The following DTNA variants were observed in gnomAD, a reference collection of about 807,000 sequenced individuals.
DTNA encodes the protein dystrobrevin alpha.
DTNA carries 43 observed loss-of-function variants against 100.7 expected under a neutral mutation model. The ratio of observed to expected loss-of-function variants is 0.43; its 90% CI spans 0.33 to 0.55. The LOEUF is 0.55. Among genes scored for constraint, DTNA ranks in the 20% least tolerant of loss-of-function variants. DTNA has a pLI of 0.04. For missense variants in DTNA, 798 were observed against 953.9 expected (o/e 0.84, Z 2.15); for synonymous variants, 349 against 347.9 (o/e 1.00, Z -0.04).
chr18:34,760,865 CT>C (rs2148362680), intron 2 of DTNA, among the ~76,000 whole-genome samples: 1 of 152,268 alleles, frequency 6.6e-6, no homozygotes, highest in Non-Finnish European at 1.5e-5. Flanking sequence ...TATACTAAAG[CT>C]CTAATCCTTA....
chr18:34,798,171 T>C (rs905599174), intron 4 of DTNA, among the ~76,000 whole-genome samples: 5 of 152,088 alleles, frequency 3.3e-5, no homozygotes, highest in African/African-American at 1.2e-4. Flanking sequence ...GGCTAGTAAT[T>C]GTGTTTTTAG....
chr18:34,499,837 G>A (rs2039696154), intron 1 of DTNA, among the ~76,000 whole-genome samples: 1 of 151,922 alleles, frequency 6.6e-6, no homozygotes, highest in South Asian at 2.1e-4. Context: ...GCTATGTTTT[G>A]AGAATTCTTT....
At chr18:34,719,533 G>A (rs1048917862) in intron 1 of DTNA, among the ~76,000 whole-genome samples, 2 of 152,024 alleles carry the variant, frequency 1.3e-5, no homozygotes, top group East Asian at 1.9e-4. Flanking sequence ...CAACTACTAC[G>A]CCATCCTGCC....
At chr18:34,840,351 G>T (rs1053920869) in intron 13 of DTNA, among the ~76,000 whole-genome samples, 1 of 152,056 alleles carries the variant, frequency 6.6e-6, no homozygotes, top group Non-Finnish European at 1.5e-5. Flanking sequence ...AGTGTTACAT[G>T]GTAGCTGAAG....
intron 3 of DTNA, among the ~76,000 whole-genome samples, chr18:34,787,251 A>G (rs1323618606): frequency 6.6e-6 from 1 of 152,224 alleles, no homozygotes; most frequent in Non-Finnish European, 1.5e-5. Context: ...AAAACCTTCT[A>G]AAAGTTTATA....
chr18:34,657,944 C>A (rs1174587483), intron 1 of DTNA, among the ~76,000 whole-genome samples: 1 of 152,200 alleles, frequency 6.6e-6, no homozygotes, highest in African/African-American at 2.4e-5. Context: ...TGCTCAGCTA[C>A]TTGCTTTCCA....
intron 10 of DTNA, 197 bp from the exon 11 acceptor site, chr18:34,829,203 T>C: frequency 6.3e-7 from 1 of 1,576,502 alleles, no homozygotes; most frequent in Non-Finnish European, 8.6e-7. Flanking sequence ...TCAGTCATTT[T>C]GGAATGTTCT....
chr18:34,705,136 T>C (rs1264851450), intron 1 of DTNA, among the ~76,000 whole-genome samples: 2 of 152,184 alleles, frequency 1.3e-5, no homozygotes, highest in Non-Finnish European at 2.9e-5. Context: ...GCTCACTAAC[T>C]TGATGAGCAC....
chr18:34,558,332 C>T (rs1358858654), intron 1 of DTNA, among the ~76,000 whole-genome samples: 6 of 152,188 alleles, frequency 3.9e-5, no homozygotes, highest in South Asian at 2.1e-4. Context: ...CCGTCTTCTG[C>T]GTCGCTCACC....
chr18:34,802,420 C>A (rs2095247120), intron 4 of DTNA, among the ~76,000 whole-genome samples: 1 of 152,238 alleles, frequency 6.6e-6, no homozygotes, highest in African/African-American at 2.4e-5. Context: ...TTCCTAGACA[C>A]TTAACAGATT....
At chr18:34,667,683 A>T (rs2076137268) in intron 1 of DTNA, among the ~76,000 whole-genome samples, 1 of 152,074 alleles carries the variant, frequency 6.6e-6, no homozygotes, top group Admixed American at 6.6e-5. Context: ...TTAGATAATC[A>T]TGTGGTTTTT....
chr18:34,561,491 C>G (rs2046631551), intron 1 of DTNA, among the ~76,000 whole-genome samples: 1 of 152,016 alleles, frequency 6.6e-6, no homozygotes, highest in Admixed American at 6.6e-5. Context: ...TATTTGCTGC[C>G]TTCTCAACAT....
chr18:34,669,925 G>T (rs2076506284), intron 1 of DTNA, among the ~76,000 whole-genome samples: 1 of 152,156 alleles, frequency 6.6e-6, no homozygotes, highest in South Asian at 2.1e-4. Flanking sequence ...TCTTCTTGAG[G>T]AGTATCTTTG....
intron 1 of DTNA, among the ~76,000 whole-genome samples, chr18:34,544,593 G>C (rs1166935975): frequency 1.3e-5 from 2 of 152,016 alleles, no homozygotes; most frequent in African/African-American, 4.8e-5. Flanking sequence ...TTAAATTAGA[G>C]TACATATATT....
intron 1 of DTNA, among the ~76,000 whole-genome samples, chr18:34,665,509 G>C (rs2075793438): frequency 6.6e-6 from 1 of 152,026 alleles, no homozygotes; most frequent in Admixed American, 6.6e-5. Flanking sequence ...TGCCATATTG[G>C]TGTGCTGCAC....
intron 1 of DTNA, among the ~76,000 whole-genome samples, chr18:34,613,793 C>T (rs1191957930): frequency 6.6e-6 from 1 of 152,196 alleles, no homozygotes; most frequent in African/African-American, 2.4e-5. Context: ...ACTAACGTAA[C>T]AGAACAAGGT....
intron 1 of DTNA, among the ~76,000 whole-genome samples, chr18:34,711,607 G>A (rs1194443409): frequency 6.6e-6 from 1 of 152,038 alleles, no homozygotes; most frequent in Non-Finnish European, 1.5e-5. Flanking sequence ...CCCTTAATTG[G>A]CACTAATTAG....
Position 34,889,465 on chromosome 18 carries a change from T to G in DTNA, c.*1731T>G. The G allele has an allele frequency of 4.1e-6, 4 of 985,392 alleles. No individual in the cohort carries two copies. The highest frequency in any genetic ancestry group is 4.8e-6 in the Non-Finnish European group (4 of 829,932). The allele number at this position is 985,392 out of a possible 1,614,324, so 61.0% of individuals were successfully genotyped here. A position where few individuals can be genotyped will look rare whatever the true frequency, so the allele number is the denominator to read the frequency against. ...TAATAAAGTCTCTGAAAAGGCCTTA[T>G]TCAGAATAAGCAAGAAAGGTTCTGT... On this transcript the variant is annotated 3_prime_UTR_variant, in exon 23 of 23. Coordinates refer to ENST00000444659, the MANE Select transcript of DTNA (RefSeq NM_001386795.1).
At chr18:34,720,307 A>G (rs1178477307) in intron 1 of DTNA, among the ~76,000 whole-genome samples, 1 of 152,230 alleles carries the variant, frequency 6.6e-6, no homozygotes, top group Admixed American at 6.5e-5. Context: ...ATGGAAAATT[A>G]GCTGGCTCTG....
Sources: gnomAD v4.1 joint callset for allele counts (sites outside exome capture counted in the v4.1 genomes callset) on GRCh38, gnomAD v4.1.1 for gene constraint, MANE v1.5 for transcripts, NCBI Gene and HGNC (gene_info 2026-07-23, HGNC 2026-07-21) for gene names.